ZNF532: variants seen among roughly 807,000 people sequenced by gnomAD.
ZNF532 encodes the protein zinc finger protein 532.
A neutral mutation model predicts 89.3 loss-of-function variants in ZNF532; 22 were observed. The ratio of observed to expected loss-of-function variants is 0.25; its 90% CI spans 0.18 to 0.35. The LOEUF (loss-of-function observed/expected upper bound fraction) is 0.35, where lower values mean the gene tolerates loss of function less well. Ranked by LOEUF, ZNF532 falls within the 10% of genes least tolerant of loss-of-function variation. ZNF532 has a pLI of 1.00. For synonymous variants in ZNF532, 606 were observed against 649.6 expected (o/e 0.93, Z 1.02); for missense variants, 1,132 against 1,643.4 (o/e 0.69, Z 5.38).
At chr18:58,931,025 GAAAA>G (rs1383696668) in intron 3 of ZNF532, among the ~76,000 whole-genome samples, 1 of 152,038 alleles carries the variant, frequency 6.6e-6, no homozygotes, top group Non-Finnish European at 1.5e-5. Flanking sequence ...ATTACCTATT[GAAAA>G]GTAATGTTTA....
chr18:58,884,442 A>C (rs2058141139), intron 2 of ZNF532, among the ~76,000 whole-genome samples: 1 of 152,168 alleles, frequency 6.6e-6, no homozygotes, highest in African/African-American at 2.4e-5. Context: ...GATAGTTCGG[A>C]GCATTTCAGG....
intron 3 of ZNF532, among the ~76,000 whole-genome samples, chr18:58,934,032 G>A (rs11152109): frequency 2.0e-5 from 3 of 152,168 alleles, no homozygotes; most frequent in Non-Finnish European, 4.4e-5. Flanking sequence ...TTTGGAGAAA[G>A]CTTTTTATGA....
At chr18:58,876,234 T>C (rs559130095) in intron 2 of ZNF532, among the ~76,000 whole-genome samples, 10 of 152,218 alleles carry the variant, frequency 6.6e-5, no homozygotes, top group South Asian at 2.1e-4. Context: ...GCGCCCAGCC[T>C]CACTTGGGGA....
At chr18:58,880,760 GCA>G (rs199563410) in intron 2 of ZNF532, among the ~76,000 whole-genome samples, 5,135 of 140,990 alleles carry the variant, frequency 0.036, 261 homozygotes, top group African/African-American at 0.1. Context: ...AGGCGCGCGC[GCA>G]CGCGCGCGCG....
At chr18:58,891,218 C>T (rs1204126232) in intron 2 of ZNF532, among the ~76,000 whole-genome samples, 1 of 152,082 alleles carries the variant, frequency 6.6e-6, no homozygotes. Flanking sequence ...TGCGCCCGGC[C>T]TCTCTCTTTC....
At chr18:58,888,693 A>C (rs1190323615) in intron 2 of ZNF532, among the ~76,000 whole-genome samples, 2 of 46,700 alleles carry the variant, frequency 4.3e-5, no homozygotes, top group East Asian at 5.3e-4. Flanking sequence ...AGGCAAAAAA[A>C]AAATTATATA....
upstream of ZNF532, chr18:58,863,799 G>T: frequency 6.6e-6 from 1 of 152,334 alleles, no homozygotes; most frequent in South Asian, 2.0e-4. Context: ...CGGCCGGGGC[G>T]AACGAGGGGC....
In ZNF532 at chr18:58,888,814, AT is replaced by A. The variant is rs1237964468; in HGVS notation, c.-18+23237del. 3.8e-4 allele frequency among the ~76,000 whole-genome samples: 5 copies of A among 13,064 alleles called. 1 individual carries two copies. Among genetic ancestry groups the A allele is most frequent in the East Asian group, 7.8e-3 (2 of 256 alleles). 8.6% of individuals were successfully genotyped at this position (13,064 alleles called of 152,430 possible). On this transcript the variant is annotated intron_variant, in intron 2 of 9. Coordinates refer to ENST00000591808, the MANE Select transcript of ZNF532 (RefSeq NM_001375912.1). Reference sequence around the variant, plus strand: ...TATATATAATTTATATATATAAAAAATTATATATATAAATTATATATATAAT... The same window carrying A: ...TATATATAATTTATATATATAAAAAATATATATATAAATTATATATATAAT...
intron 5 of ZNF532, among the ~76,000 whole-genome samples, chr18:58,946,756 AC>A (rs890030201): frequency 2.6e-5 from 4 of 151,440 alleles, no homozygotes; most frequent in African/African-American, 9.7e-5. Flanking sequence ...GCTTCTCAAC[AC>A]CCCCTCCCCC....
chr18:58,928,884 A>G (rs566972425), intron 3 of ZNF532, among the ~76,000 whole-genome samples: 1 of 152,310 alleles, frequency 6.6e-6, no homozygotes, highest in East Asian at 1.9e-4. Context: ...TGTCGTTTGA[A>G]TAATTGATAT....
intron 2 of ZNF532, among the ~76,000 whole-genome samples, chr18:58,870,053 A>G (rs1312147685): frequency 6.8e-6 from 1 of 146,870 alleles, no homozygotes; most frequent in Admixed American, 6.9e-5. Flanking sequence ...GGTGTGAGCC[A>G]CTGTGCCCAG....
chr18:58,920,838 G>A (rs951319640), intron 3 of ZNF532, among the ~76,000 whole-genome samples: 4 of 150,664 alleles, frequency 2.7e-5, no homozygotes, highest in Admixed American at 6.6e-5. Context: ...ACATGATCCA[G>A]TAAGGATTGT....
intron 7 of ZNF532, among the ~76,000 whole-genome samples, chr18:58,975,528 C>T (rs1568461525): frequency 6.6e-6 from 1 of 152,224 alleles, no homozygotes. Context: ...CCACCAAGTG[C>T]TCTCCGGGAA....
chr18:58,957,406 C>CATACAT (rs1225813265), intron 7 of ZNF532, among the ~76,000 whole-genome samples: 1 of 138,892 alleles, frequency 7.2e-6, no homozygotes, highest in South Asian at 2.4e-4. Context: ...ACTTAAAATA[C>CATACAT]ATATATATAT....
chr18:58,918,144 C>T, intron 2 of ZNF532, 127 bp from the exon 3 acceptor site: 1 of 813,184 alleles, frequency 1.2e-6, no homozygotes, highest in Non-Finnish European at 1.9e-6. Context: ...TTCGTAGTTA[C>T]CGTAAATGCA....
intron 2 of ZNF532, among the ~76,000 whole-genome samples, chr18:58,878,266 A>C (rs367861267): frequency 1.7e-4 from 21 of 127,170 alleles, no homozygotes; most frequent in African/African-American, 6.6e-4. Flanking sequence ...AAAAACAAAA[A>C]AAACAAAACG....
chr18:58,916,937 A>G (rs181308806), intron 2 of ZNF532, among the ~76,000 whole-genome samples: 367 of 152,334 alleles, frequency 2.4e-3, no homozygotes, highest in Middle Eastern at 6.8e-3. Flanking sequence ...CGTGTCAGGG[A>G]CCACTAAAGC....
chr18:58,891,682 T>C (rs1247731921), intron 2 of ZNF532, among the ~76,000 whole-genome samples: 3 of 152,330 alleles, frequency 2.0e-5, no homozygotes, highest in East Asian at 1.9e-4. Flanking sequence ...TTACCTAAAA[T>C]AGGAATTTAT....
At chr18:58,888,760 TAATATATATAATTTATATATATATAAA>T (rs2058556667) in intron 2 of ZNF532, among the ~76,000 whole-genome samples, 2 of 6,562 alleles carry the variant, frequency 3.0e-4, no homozygotes, top group Non-Finnish European at 5.2e-4. Context: ...TATATAAAAT[TAATATATATAATTTATATATATATAAA>T]ATATATATAA....
Sources: gnomAD v4.1 joint callset for allele counts (sites outside exome capture counted in the v4.1 genomes callset) on GRCh38, gnomAD v4.1.1 for gene constraint, MANE v1.5 for transcripts, NCBI Gene and HGNC (gene_info 2026-07-23, HGNC 2026-07-21) for gene names.